Variants in TRPS1 observed in about 807,000 individuals in gnomAD.
TRPS1 encodes transcriptional repressor GATA binding 1.
TRPS1 carries 6 observed loss-of-function variants against 101.2 expected under a neutral mutation model. The ratio of observed to expected loss-of-function variants is 0.06; its 90% CI spans 0.03 to 0.12. The LOEUF is 0.12. Among genes scored for constraint, TRPS1 ranks in the 10% least tolerant of loss-of-function variants. TRPS1 has a pLI of 1.00. For synonymous variants in TRPS1, 578 were observed against 589.8 expected, an observed-to-expected ratio of 0.98 and a Z score of 0.29; for missense variants, 1,363 against 1,567.0, an observed-to-expected ratio of 0.87 and a Z score of 2.20.
rs551355417 is a variant in TRPS1, at chr8:115,608,404, T to C, written c.967-3402A>G. Among the ~76,000 whole-genome samples the C allele has an allele frequency of 7.9e-5, 12 of 152,356 alleles. No homozygotes were observed. In the South Asian group the frequency reaches 1.2e-3, roughly 16 times the overall value. ...TGCAATAGATATTAGGCATATAATA[T>C]TGAAGAGGTAGACAACATCTCTGCC... On this transcript the variant is annotated intron_variant, in intron 3 of 6. Transcript: ENST00000395715.
intron 3 of TRPS1, among the ~76,000 whole-genome samples, chr8:115,610,365 G>A (rs1031361589): frequency 6.6e-6 from 1 of 152,132 alleles, no homozygotes; most frequent in African/African-American, 2.4e-5. Context: ...TATACATCGG[G>A]AATTTTTCTG....
intron 5 of TRPS1, among the ~76,000 whole-genome samples, chr8:115,514,356 C>A (rs1271129982): frequency 2.6e-5 from 4 of 151,674 alleles, no homozygotes; most frequent in Non-Finnish European, 3.0e-5. Context: ...CCTGGCTCTG[C>A]CACTCGTCAG....
chr8:115,439,302 G>A (rs1044595560), intron 5 of TRPS1, among the ~76,000 whole-genome samples: 1 of 152,206 alleles, frequency 6.6e-6, no homozygotes, highest in Non-Finnish European at 1.5e-5. Flanking sequence ...TGACATGGAA[G>A]TAAAAATCAT....
intron 5 of TRPS1, among the ~76,000 whole-genome samples, chr8:115,578,772 T>C (rs183218556): frequency 1.3e-5 from 2 of 152,184 alleles, no homozygotes; most frequent in African/African-American, 4.8e-5. Flanking sequence ...GGTTTTCATC[T>C]TCTTTACAGT....
rs71287274 is a variant in TRPS1 at position 115,455,778 on chromosome 8, T to TC, written c.2701-37327_2701-37326insG. Among the ~76,000 whole-genome samples, 13 of 143,222 alleles carry TC rather than the reference T, an allele frequency of 9.1e-5. No individual in the cohort carries two copies. In the South Asian group the frequency reaches 1.4e-3, roughly 15 times the overall value. The allele number at this position is 143,222 out of a possible 152,430, so 94.0% of individuals were successfully genotyped here. Reference sequence around the variant, plus strand: ...CTTTTTCTTTCTTTCTTTCTTTCTTTTTTTTTTTTTTTTTGAGACAGAGTC... The same window carrying TC: ...CTTTTTCTTTCTTTCTTTCTTTCTTTCTTTTTTTTTTTTTTGAGACAGAGTC... On this transcript the variant is annotated intron_variant, in intron 5 of 6. Coordinates refer to ENST00000395715, the MANE Select transcript of TRPS1 (RefSeq NM_014112.5).
intron 5 of TRPS1, among the ~76,000 whole-genome samples, chr8:115,526,941 G>A (rs2130249797): frequency 6.6e-6 from 1 of 152,216 alleles, no homozygotes; most frequent in South Asian, 2.1e-4. Flanking sequence ...ACTGATGTGA[G>A]GCTTCCTTTC....
intron 5 of TRPS1, among the ~76,000 whole-genome samples, chr8:115,438,088 A>T (rs1485235974): frequency 6.6e-6 from 1 of 152,230 alleles, no homozygotes; most frequent in Non-Finnish European, 1.5e-5. Context: ...AATTTAAAAA[A>T]ATAGGAAACT....
intron 1 of TRPS1, among the ~76,000 whole-genome samples, chr8:115,654,680 T>G (rs1811640394): frequency 6.6e-6 from 1 of 152,218 alleles, no homozygotes; most frequent in South Asian, 2.1e-4. Context: ...GTGACCATTT[T>G]CATAAGCAGT....
chr8:115,581,291 T>C (rs1040717299), intron 5 of TRPS1, among the ~76,000 whole-genome samples: 11 of 152,088 alleles, frequency 7.2e-5, no homozygotes, highest in African/African-American at 2.7e-4. Context: ...AGAGATTTGT[T>C]GAAGGATATG....
At chr8:115,510,910 A>T (rs1313041570) in intron 5 of TRPS1, 1 of 151,910 alleles carries the variant, frequency 6.6e-6, no homozygotes, top group African/African-American at 2.4e-5. Flanking sequence ...AATGTAAAGA[A>T]TTTTCAGGAT....
chr8:115,529,769 A>G (rs1403560730), intron 5 of TRPS1, among the ~76,000 whole-genome samples: 1 of 152,128 alleles, frequency 6.6e-6, no homozygotes, highest in Non-Finnish European at 1.5e-5. Flanking sequence ...AACTATAGAA[A>G]ATGAGAGGGC....
At chr8:115,565,575 A>G (rs191355794) in intron 5 of TRPS1, among the ~76,000 whole-genome samples, 60 of 151,954 alleles carry the variant, frequency 3.9e-4, no homozygotes, top group African/African-American at 1.4e-3. Context: ...GCTTTCATAC[A>G]TACATTAGTG....
intron 5 of TRPS1, among the ~76,000 whole-genome samples, chr8:115,477,803 C>CTT (rs59391256): frequency 6.7e-6 from 1 of 148,170 alleles, no homozygotes; most frequent in African/African-American, 2.5e-5. Context: ...AATCTACATT[C>CTT]TTTTTTTTTT....
intron 5 of TRPS1, among the ~76,000 whole-genome samples, chr8:115,465,127 G>A (rs1000945816): frequency 6.6e-6 from 1 of 152,026 alleles, no homozygotes; most frequent in Middle Eastern, 3.2e-3. Flanking sequence ...TCACTTCAGA[G>A]TTGGGATTTT....
intron 1 of TRPS1, among the ~76,000 whole-genome samples, chr8:115,632,308 T>C (rs1020567661): frequency 6.6e-6 from 1 of 152,092 alleles, no homozygotes; most frequent in Admixed American, 6.6e-5. Context: ...ACTCAAAATA[T>C]ACTATACAAG....
Position 115,547,269 on chromosome 8 carries a change from TTC to T in TRPS1, c.2700+39730_2700+39731del, listed in dbSNP as rs982054885. 2.0e-5 allele frequency among the ~76,000 whole-genome samples: 3 copies of T among 152,116 alleles called. No individual in the cohort carries two copies. In the East Asian group the frequency reaches 5.8e-4, roughly 29 times the overall value. On this transcript the variant is annotated intron_variant, in intron 5 of 6. Transcript: ENST00000395715. The stretch of plus-strand genomic sequence containing the variant: ...GGAAAGGGAACAAAGAATGACTCAA[TTC>T]TCTCTCTCTGTCTCTACCTCTCGCC...
chr8:115,448,579 T>A (rs1813793953), intron 5 of TRPS1, among the ~76,000 whole-genome samples: 1 of 152,170 alleles, frequency 6.6e-6, no homozygotes. Context: ...AACTCCATCC[T>A]CAAATAGGTG....
At chr8:115,572,168 T>C (rs1157516446) in intron 5 of TRPS1, among the ~76,000 whole-genome samples, 2 of 152,166 alleles carry the variant, frequency 1.3e-5, no homozygotes, top group East Asian at 3.9e-4. Context: ...GAAAAGACTT[T>C]GACATACCCA....
chr8:115,425,900 A>G (rs1368165121), intron 5 of TRPS1, among the ~76,000 whole-genome samples: 1 of 152,080 alleles, frequency 6.6e-6, no homozygotes, highest in Non-Finnish European at 1.5e-5. Flanking sequence ...AATTGGAAAA[A>G]CCCAGATTTC....
Sources: allele counts gnomAD v4.1 joint callset (sites outside exome capture counted in the v4.1 genomes callset), GRCh38; gene constraint gnomAD v4.1.1; transcripts MANE v1.5; gene names NCBI Gene and HGNC (gene_info 2026-07-23, HGNC 2026-07-21).